The following GRID2 variants were observed in gnomAD, a reference collection of about 807,000 sequenced individuals.
The protein encoded by GRID2 is glutamate ionotropic receptor delta type subunit 2, also known as glutamate receptor ionotropic, delta-2.
In GRID2, 33 loss-of-function variants were observed where a neutral mutation model predicts 114.8. The observed-to-expected ratio is 0.29, with a 90% CI of 0.22 to 0.38. GRID2 has a LOEUF of 0.38. Ranked by LOEUF, GRID2 falls within the 10% of genes least tolerant of loss-of-function variation. The probability of loss-of-function intolerance (pLI) is 1.00; values close to 1 mark genes in which losing one functional copy is unlikely to be tolerated. For missense variants in GRID2, 1,184 were observed against 1,257.7 expected (o/e 0.94, Z 0.89); for synonymous variants, 505 against 449.9 (o/e 1.12, Z -1.55).
intron 4 of GRID2, among the ~76,000 whole-genome samples, chr4:93,118,540 C>T (rs1200676618): frequency 3.3e-5 from 5 of 152,166 alleles, no homozygotes; most frequent in East Asian, 1.9e-4. Flanking sequence ...AGATCTAACT[C>T]ACATTCTTCT....
chr4:92,416,196 A>G (rs1051681194), intron 1 of GRID2, among the ~76,000 whole-genome samples: 5 of 152,022 alleles, frequency 3.3e-5, no homozygotes, highest in South Asian at 2.1e-4. Context: ...GGCTATTTGT[A>G]TATCTTCTTT....
intron 1 of GRID2, among the ~76,000 whole-genome samples, chr4:92,413,740 G>A (rs573500500): frequency 9.2e-5 from 14 of 152,212 alleles, no homozygotes; most frequent in African/African-American, 3.4e-4. Context: ...TGTTTATTGT[G>A]TTAAATATAT....
intron 13 of GRID2, among the ~76,000 whole-genome samples, chr4:93,551,373 T>A (rs186024902): frequency 4.7e-4 from 72 of 151,960 alleles, no homozygotes; most frequent in East Asian, 3.7e-3. Flanking sequence ...CTGAATGAAA[T>A]AAAGGAGTGA....
chr4:92,721,570 GAC>G (rs933677508), intron 2 of GRID2, among the ~76,000 whole-genome samples: 2 of 152,148 alleles, frequency 1.3e-5, no homozygotes, highest in East Asian at 1.9e-4. Context: ...GTACTAAAAA[GAC>G]AGTACTTTTC....
At chr4:92,681,902 G>GA (rs530034490) in intron 2 of GRID2, among the ~76,000 whole-genome samples, 8 of 149,350 alleles carry the variant, frequency 5.4e-5, no homozygotes, top group South Asian at 4.2e-4. Context: ...CAGTTAAGAA[G>GA]AAAAAAAAAG....
intron 1 of GRID2, among the ~76,000 whole-genome samples, chr4:92,439,611 A>G (rs557468438): frequency 1.6e-5 from 2 of 125,520 alleles, no homozygotes; most frequent in East Asian, 4.4e-4. Flanking sequence ...TATTGTGGGG[A>G]TGTAAGAAGA....
At chr4:93,251,284 G>A (rs1404410385) in intron 8 of GRID2, among the ~76,000 whole-genome samples, 1 of 152,120 alleles carries the variant, frequency 6.6e-6, no homozygotes, top group Non-Finnish European at 1.5e-5. Flanking sequence ...GTGATTTGAA[G>A]TAGCTCCTCT....
At chr4:93,320,619 GC>G (rs1757109286) in intron 8 of GRID2, among the ~76,000 whole-genome samples, 2 of 151,996 alleles carry the variant, frequency 1.3e-5, no homozygotes, top group Non-Finnish European at 2.9e-5. Context: ...AGAAGGTACA[GC>G]CTCTCTCCCT....
chr4:92,653,388 C>T (rs755586572), intron 2 of GRID2, among the ~76,000 whole-genome samples: 2 of 151,034 alleles, frequency 1.3e-5, no homozygotes, highest in African/African-American at 4.9e-5. Flanking sequence ...AGAGAAATTT[C>T]GGTTACATAC....
At chr4:92,399,387 C>T (rs1354274569) in intron 1 of GRID2, among the ~76,000 whole-genome samples, 1 of 152,156 alleles carries the variant, frequency 6.6e-6, no homozygotes, top group Non-Finnish European at 1.5e-5. Flanking sequence ...ATCTATCCCA[C>T]TAACAGCCGT....
chr4:93,674,378 G>A (rs1360398212), intron 14 of GRID2, among the ~76,000 whole-genome samples: 1 of 152,018 alleles, frequency 6.6e-6, no homozygotes, highest in African/African-American at 2.4e-5. Flanking sequence ...TAGCTGTCAG[G>A]TACAATGCTG....
intron 10 of GRID2, among the ~76,000 whole-genome samples, chr4:93,447,815 A>G (rs1482818291): frequency 1.3e-5 from 2 of 151,972 alleles, no homozygotes; most frequent in Non-Finnish European, 2.9e-5. Context: ...AAATGAAATC[A>G]CATACAAAAA....
At chr4:93,185,937 C>T (rs942037135) in intron 4 of GRID2, among the ~76,000 whole-genome samples, 1 of 152,106 alleles carries the variant, frequency 6.6e-6, no homozygotes. Flanking sequence ...TGATGTTTCC[C>T]GCCCTGTGTC....
intron 14 of GRID2, among the ~76,000 whole-genome samples, chr4:93,710,448 C>T (rs78396000): frequency 0.013 from 2,054 of 152,266 alleles, 17 homozygotes; most frequent in Admixed American, 0.02. Flanking sequence ...TCTCTTTCTA[C>T]GGTGAGCTGC....
intron 12 of GRID2, among the ~76,000 whole-genome samples, chr4:93,510,463 T>C (rs1729055923): frequency 6.6e-6 from 1 of 152,186 alleles, no homozygotes. Context: ...CATTAGATTT[T>C]TTAAAAAAAT....
At chr4:93,210,895 C>A (rs1330928933) in intron 5 of GRID2, among the ~76,000 whole-genome samples, 2 of 151,806 alleles carry the variant, frequency 1.3e-5, no homozygotes, top group Non-Finnish European at 2.9e-5. Context: ...GTTTTTATTT[C>A]ACATCCTACT....
chr4:93,751,270 C>T (rs1471648921), intron 14 of GRID2, among the ~76,000 whole-genome samples: 1 of 152,170 alleles, frequency 6.6e-6, no homozygotes, highest in Admixed American at 6.5e-5. Flanking sequence ...GTCAGATTCT[C>T]ATAAATAACA....
chr4:93,168,732 AT>A (rs1738503957), intron 4 of GRID2, among the ~76,000 whole-genome samples: 2 of 152,054 alleles, frequency 1.3e-5, no homozygotes, highest in Admixed American at 6.5e-5. Context: ...AGAGATACTC[AT>A]TTTTTAAGGA....
intron 4 of GRID2, chr4:93,166,162 G>A (rs924450833): frequency 3.3e-5 from 5 of 152,166 alleles, no homozygotes; most frequent in African/African-American, 1.2e-4. Context: ...ACTAACATAC[G>A]TGAGTAAAGA....
Sources: allele counts gnomAD v4.1 joint callset (sites outside exome capture counted in the v4.1 genomes callset), GRCh38; gene constraint gnomAD v4.1.1; transcripts MANE v1.5; gene names NCBI Gene and HGNC (gene_info 2026-07-23, HGNC 2026-07-21).